The following SF3B1 variants were observed in gnomAD, a reference collection of about 807,000 sequenced individuals.
SF3B1 encodes the protein pre-mRNA processing 10.
Under a neutral mutation model 153.8 loss-of-function variants are expected in SF3B1, and 12 were observed. The ratio of observed to expected loss-of-function variants is 0.08; its 90% CI spans 0.05 to 0.13. The LOEUF (loss-of-function observed/expected upper bound fraction) is 0.13, where lower values mean the gene tolerates loss of function less well. Ranked by LOEUF, SF3B1 falls within the 10% of genes least tolerant of loss-of-function variation. SF3B1 has a pLI of 1.00. For synonymous variants in SF3B1, 498 were observed against 525.2 expected, an observed-to-expected ratio of 0.95 and a Z score of 0.71; for missense variants, 513 against 1,606.1, an observed-to-expected ratio of 0.32 and a Z score of 11.63.
Position 197,404,986 on chromosome 2 carries a change from T to C in SF3B1, c.1539+90A>G, listed in dbSNP as rs550096818. On this transcript the variant is annotated intron_variant, in intron 11 of 24. Coordinates refer to ENST00000335508, the MANE Select transcript of SF3B1 (RefSeq NM_012433.4). ...TCACTTGAGACCAGCCTGGGCAACA[T>C]GGCAAAACCCTGTCTCTACAAAAAC... 575 of 871,534 alleles carry C rather than the reference T, an allele frequency of 6.6e-4. 7 individuals carry two copies. In the South Asian group the frequency reaches 0.01, roughly 15 times the overall value. 54.0% of individuals were successfully genotyped at this position (871,534 alleles called of 1,614,324 possible).
At chr2:197,431,478 C>G (rs2085436032) in intron 1 of SF3B1, among the ~76,000 whole-genome samples, 1 of 152,108 alleles carries the variant, frequency 6.6e-6, no homozygotes. Context: ...CTTCTTCCTC[C>G]TTGATTTTTA....
intron 9 of SF3B1, among the ~76,000 whole-genome samples, chr2:197,407,420 C>T (rs2085007984): frequency 6.6e-6 from 1 of 152,116 alleles, no homozygotes; most frequent in Non-Finnish European, 1.5e-5. Context: ...GCCTGGCCAG[C>T]ATGGCGAAAC....
intron 6 of SF3B1, among the ~76,000 whole-genome samples, chr2:197,415,748 C>T (rs2085138187): frequency 6.6e-6 from 1 of 152,146 alleles, no homozygotes; most frequent in Non-Finnish European, 1.5e-5. Context: ...ACATCTAATA[C>T]AACCATTTCT....
intron 1 of SF3B1, among the ~76,000 whole-genome samples, chr2:197,425,791 G>A (rs1041421810): frequency 6.6e-6 from 1 of 151,986 alleles, no homozygotes; most frequent in African/African-American, 2.4e-5. Context: ...CTTGAGCCCA[G>A]GAGTTCAAAA....
At position 197,428,018 on chromosome 2, in the gene SF3B1, AAATTAATT is replaced by A. The variant is rs113443979; in HGVS notation, c.29-4052_29-4045del. 2.8e-4 allele frequency among the ~76,000 whole-genome samples: 42 copies of A among 151,482 alleles called. No individual in the cohort carries two copies. In the East Asian group the frequency reaches 3.9e-3, roughly 14 times the overall value. On this transcript the variant is annotated intron_variant, in intron 1 of 24. Transcript: ENST00000335508. ...AGGCGACAGAGCAAGACTCCGTCTC[AAATTAATT>A]AATTAATTAATTAATTAATTAAAAG...
At chr2:197,392,921 T>C in intron 24 of SF3B1, 51 bp downstream of exon 24, 1 of 1,013,204 alleles carries the variant, frequency 9.9e-7, no homozygotes, top group East Asian at 2.5e-5. Flanking sequence ...GAACTTAAAG[T>C]ATTATTTAAA....
Position 197,416,825 on chromosome 2 carries a change from T to C in SF3B1, c.582A>G (p.Ser194=). Residue 194 remains serine, a synonymous_variant, in exon 6 of 25, where the codon TCA becomes TCG. Transcript: ENST00000335508. ...VNGAAASQPP[S]KRKRRWDQTA... Reference sequence around the variant, plus strand: ...TTTGATCCCAACGCCGTTTTCGTTTTGATGGAGGCTGGGACGCTGCTGCTC... The same window carrying C: ...TTTGATCCCAACGCCGTTTTCGTTTCGATGGAGGCTGGGACGCTGCTGCTC... 1 of 1,614,258 alleles carries C rather than the reference T, an allele frequency of 6.2e-7. No homozygotes were observed. Among genetic ancestry groups the C allele is most frequent in the East Asian group, 2.2e-5 (1 of 44,892 alleles).
intron 20 of SF3B1, chr2:197,399,106 TTC>T (rs2084909318): frequency 3.9e-5 from 50 of 1,283,146 alleles, no homozygotes; most frequent in Non-Finnish European, 4.9e-5. Flanking sequence ...CTTGCTCTGA[TTC>T]TCTCTCCATT....
intron 6 of SF3B1, among the ~76,000 whole-genome samples, chr2:197,415,089 G>GAGATGTTT (rs2085127566): frequency 6.6e-6 from 1 of 151,158 alleles, no homozygotes; most frequent in African/African-American, 2.4e-5. Flanking sequence ...ATGGGGTTAA[G>GAGATGTTT]AGATGTTTTC....
rs531311216 is a variant in SF3B1, at chr2:197,409,361, T to C, written c.904+409A>G. ...GTTGCAGTGAGCTGAGATCGCGCCA[T>C]TGCATTCCAGTCTGGACAACAAGAG... On this transcript the variant is annotated intron_variant, in intron 7 of 24. Coordinates refer to ENST00000335508, the MANE Select transcript of SF3B1 (RefSeq NM_012433.4). Among the ~76,000 whole-genome samples, 56 of 151,894 alleles carry C rather than the reference T, an allele frequency of 3.7e-4. No homozygotes were observed. In the South Asian group the frequency reaches 9.4e-3, roughly 25 times the overall value.
At position 197,409,907 on chromosome 2, in the gene SF3B1, G is replaced by A; in HGVS notation, c.767C>T (p.Pro256Leu). 1 of 1,614,144 alleles carries A rather than the reference G, an allele frequency of 6.2e-7. No individual in the cohort carries two copies. The highest frequency in any genetic ancestry group is 8.5e-7 in the Non-Finnish European group (1 of 1,180,032). ...TCCCGCTGGTGTGTGGCTAGGTGTA[G>A]GATCCCATATTTTTGAGCCTGGGGT... ...GATPGSKIWD[P>L]TPSHTPAGAA... is the part of the protein sequence containing the mutation. Residue 256 changes from proline (P) to leucine (L), a missense_variant, in exon 7 of 25, where the codon CCT becomes CTT. Physicochemically the swap from Pro to Leu is moderately conservative, Grantham distance 98. Around this residue, in one of 21 missense-constraint regions of SF3B1, gnomAD observed 91 missense variants for 157.4 expected, o/e 0.58. Transcript: ENST00000335508.
Position 197,402,266 on chromosome 2 carries a change from C to CA in SF3B1, c.2078-137dup. On this transcript the variant is annotated intron_variant, in intron 14 of 24. Transcript: ENST00000335508. The surrounding 1 kb of genome is among the most constrained non-coding windows in gnomAD (Gnocchi z 4.6). ...CACATTAAACAAAATTAGGTAAAAG[C>CA]AAAACATGAACCATAGCCTGTCAGC... The CA allele has an allele frequency of 1.0e-6, 1 of 1,001,830 alleles. No homozygotes were observed. Among genetic ancestry groups the CA allele is most frequent in the Non-Finnish European group, 1.4e-6 (1 of 694,706 alleles). The allele number at this position is 1,001,830 out of a possible 1,614,324, so 62.1% of individuals were successfully genotyped here. A position where few individuals can be genotyped will look rare whatever the true frequency, so the allele number is the denominator to read the frequency against.
Position 197,408,569 on chromosome 2 carries a change from T to G in SF3B1, c.917A>C (p.His306Pro). ...TPKTERDTPG[H>P]GSGWAETPRT... Reference sequence around the variant, plus strand: ...AGGAGTCTCAGCCCATCCACTTCCATGCCCAGGAGTATCTTTAAAAAGAAA... The same window carrying G: ...AGGAGTCTCAGCCCATCCACTTCCAGGCCCAGGAGTATCTTTAAAAAGAAA... Residue 306 changes from histidine (H) to proline (P), a missense_variant, in exon 8 of 25, where the codon CAT becomes CCT. By Grantham distance (77) the His-to-Pro change is moderately conservative. This residue lies in a region of SF3B1 where 91 missense variants were observed against 157.4 expected (regional missense o/e 0.58). Transcript: ENST00000335508. 6.2e-7 allele frequency: 1 copy of G among 1,610,506 alleles called. No individual in the cohort carries two copies. The highest frequency in any genetic ancestry group is 8.5e-7 in the Non-Finnish European group (1 of 1,178,258).
Position 197,400,058 on chromosome 2 carries a change from T to C in SF3B1, c.3010A>G (p.Ile1004Val), listed in dbSNP as rs1351400820. ...ATGTAACCAGCAAATTCCATACCTA[T>C]GACATTTACAATGGCCTTCAGTGCT... is the stretch of plus-strand genomic sequence containing the variant. ...LGALKAIVNVIGMHKMTPPIK... is the reference protein window; with the variant it reads ...LGALKAIVNVVGMHKMTPPIK... Residue 1004 changes from isoleucine to valine, a missense_variant, in exon 20 of 25, where the codon ATA becomes GTA. Ile to Val is a conservative substitution (Grantham distance 29). Coordinates refer to ENST00000335508, the MANE Select transcript of SF3B1 (RefSeq NM_012433.4). This position sits in a 1 kb window ranked among gnomAD's most constrained non-coding sequence, Gnocchi z 5.0. 1 of 1,590,068 alleles carries C rather than the reference T, an allele frequency of 6.3e-7. No homozygotes were observed. Among genetic ancestry groups the C allele is most frequent in the Non-Finnish European group, 8.6e-7 (1 of 1,158,948 alleles).
chr2:197,392,944 C>T (rs765867313), intron 24 of SF3B1, 28 bp downstream of exon 24: 57 of 1,346,170 alleles, frequency 4.2e-5, no homozygotes, highest in Non-Finnish European at 2.1e-6. Flanking sequence ...AAAAAAATCA[C>T]CGATTAAAAA....
Position 197,398,502 on chromosome 2 carries a change from T to C in SF3B1, c.3093A>G (p.Val1031=). ...CAACAAGATCAATACAATTCTCTTG[T>C]ACTTTTTCATGTCTGTTCTTTAAGA... The part of the protein sequence containing the change: ...TPILKNRHEK[V]QENCIDLVGR... The change falls in exon 21 of 25, where the codon GTA becomes GTG. Residue 1031 remains valine (V), a synonymous_variant. Transcript: ENST00000335508. The C allele has an allele frequency of 6.2e-7, 1 of 1,613,898 alleles. No homozygotes were observed. Among genetic ancestry groups the C allele is most frequent in the South Asian group, 1.1e-5 (1 of 91,068 alleles).
At chr2:197,428,193 C>T (rs1247466155) in intron 1 of SF3B1, among the ~76,000 whole-genome samples, 1 of 151,812 alleles carries the variant, frequency 6.6e-6, no homozygotes, top group African/African-American at 2.4e-5. Flanking sequence ...TACAGGTGCA[C>T]ACCTGTAGTC....
rs13016784 is a variant in SF3B1 at position 197,392,477 on chromosome 2, G to A, written c.3757-16C>T. 2,632 of 1,238,634 alleles carry A rather than the reference G, an allele frequency of 2.1e-3. 69 individuals carry two copies. The South Asian group carries it at 0.029, about 13-fold the overall frequency. 76.7% of individuals were successfully genotyped at this position (1,238,634 alleles called of 1,614,324 possible). On this transcript the variant is annotated splice_polypyrimidine_tract_variant and intron_variant, in intron 24 of 24. Transcript: ENST00000335508. ...GAAACAGACCCTAAAATAATTGAAC[G>A]GTTACATTATTTCAATTTTTAAGAA...
chr2:197,416,711 C>G lies in SF3B1; in HGVS notation c.666+30G>C, dbSNP rs759163162. The G allele has an allele frequency of 3.1e-6, 5 of 1,587,558 alleles. No homozygotes were observed. The East Asian group carries it at 6.7e-5, about 21-fold the overall frequency. On this transcript the variant is annotated intron_variant, in intron 6 of 24. Transcript: ENST00000335508. ...TCCATAACAGAAAAAAATTTTTTAA[C>G]AGTAATAACAAAAAACAAAAAGAAA...
Sources: allele counts gnomAD v4.1 joint callset (sites outside exome capture counted in the v4.1 genomes callset), GRCh38; gene constraint gnomAD v4.1.1; regional missense constraint gnomAD v4.1.1; non-coding constraint Gnocchi (gnomAD v3.1); transcripts MANE v1.5; gene names NCBI Gene and HGNC (gene_info 2026-07-23, HGNC 2026-07-21).